UVSSA: variants seen among roughly 807,000 people sequenced by gnomAD.
The protein encoded by UVSSA is UV-stimulated scaffold protein A.
In UVSSA, 72 loss-of-function variants were observed where a neutral mutation model predicts 73.9. The observed-to-expected ratio is 0.97, with a 90% confidence interval of 0.81 to 1.19. The LOEUF is 1.19. Among genes scored for constraint, UVSSA ranks in the 50% most tolerant of loss-of-function variants. The pLI is 0.00. For missense variants in UVSSA, 1,150 were observed against 965.0 expected, an observed-to-expected ratio of 1.19 and a Z score of -2.54; for synonymous variants, 454 against 391.3, an observed-to-expected ratio of 1.16 and a Z score of -1.89.
intron 3 of UVSSA, 105 bp from the exon 4 acceptor site, chr4:1,351,610 C>T (rs75599043): frequency 0.078 from 95,476 of 1,229,778 alleles, 10,528 homozygotes; most frequent in East Asian, 0.39. Flanking sequence ...AGGATGGTCT[C>T]GATCTCCTGA....
upstream of UVSSA, among the ~76,000 whole-genome samples, chr4:1,343,195 C>G (rs966110296): frequency 1.3e-5 from 2 of 152,084 alleles, no homozygotes; most frequent in African/African-American, 4.8e-5. Context: ...GGTTGGCTCC[C>G]GGTGAGGCCT....
rs779133494 is a variant in UVSSA at position 1,353,178 on chromosome 4, C to T, written c.699C>T (p.Gly233=). ...MSDALRSSCA[G]QVGPCRSGTP... is the part of the protein sequence containing the mutation. The stretch of plus-strand genomic sequence containing the variant: ...ATGCCCTTCGCTCCTCCTGCGCGGG[C>T]CAGGTGGGCCCCTGCCGGTCTGGCA... The change falls in exon 5 of 14, where the codon GGC becomes GGT. Residue 233 remains glycine (G), a synonymous_variant. Transcript: ENST00000389851. 3 of 1,612,630 alleles carry T rather than the reference C, an allele frequency of 1.9e-6. No homozygotes were observed. The highest frequency in any genetic ancestry group is 1.1e-5 in the South Asian group (1 of 91,090).
chr4:1,380,392 C>T (rs907393793), intron 11 of UVSSA, among the ~76,000 whole-genome samples, 162 bp downstream of exon 11: 6 of 152,220 alleles, frequency 3.9e-5, no homozygotes, highest in East Asian at 3.8e-4. Context: ...ATTGCTTAGC[C>T]GTTGGCCATC....
chr4:1,355,367 C>G, intron 7 of UVSSA, 122 bp downstream of exon 7: 1 of 983,140 alleles, frequency 1.0e-6, no homozygotes, highest in African/African-American at 1.6e-5. Flanking sequence ...CCCAAGCCCA[C>G]TCAGCCTCAG....
Position 1,380,052 on chromosome 4 carries a change from A to C in UVSSA, c.1574A>C (p.Asp525Ala). 1.9e-6 allele frequency: 3 copies of C among 1,604,674 alleles called. No homozygotes were observed. The highest frequency in any genetic ancestry group is 1.7e-4 in the Middle Eastern group (1 of 6,050). ...LPTAGKIVKS[D>A]SQHRFWKPSE... is the part of the protein sequence containing the mutation. ...GCCTCTGGCTGTGTCTGCAGGTCTG[A>C]CTCCCAGCACCGCTTCTGGAAGCCC... Residue 525 changes from aspartate (D) to alanine (A), a missense_variant, in exon 11 of 14, where the codon GAC (aspartate) becomes GCC (alanine). Transcript: ENST00000389851.
At chr4:1,388,171 G>T (rs76292315), downstream of UVSSA, 109 of 151,914 alleles carry the variant, frequency 7.2e-4, 2 homozygotes, top group East Asian at 0.02. Flanking sequence ...TATTATTTTT[G>T]ATTTATAACC....
intron 3 of UVSSA, among the ~76,000 whole-genome samples, chr4:1,351,404 G>A (rs1380289563): frequency 1.7e-5 from 2 of 117,546 alleles, no homozygotes; most frequent in Admixed American, 9.4e-5. Context: ...TTTTTTCTTT[G>A]AGACAGAGTC....
exon 14 of UVSSA, chr4:1,394,197 C>T (rs1253376722): frequency 5.9e-5 from 30 of 508,378 alleles, no homozygotes; most frequent in Middle Eastern, 1.1e-3. Flanking sequence ...TGGGCACAGC[C>T]TTCCATGCCT....
chr4:1,357,660 A>G (rs1432795753), intron 7 of UVSSA, among the ~76,000 whole-genome samples: 1 of 152,222 alleles, frequency 6.6e-6, no homozygotes, highest in East Asian at 1.9e-4. Context: ...TGGTGGATGC[A>G]GACTCCCCCT....
chr4:1,368,176 C>G (rs1283800242), intron 8 of UVSSA, among the ~76,000 whole-genome samples: 2 of 152,260 alleles, frequency 1.3e-5, no homozygotes, highest in African/African-American at 4.8e-5. Context: ...TCCTGGGCAT[C>G]TTCAGAGTCT....
intron 11 of UVSSA, 166 bp from the exon 12 acceptor site, chr4:1,380,714 A>G (rs773580300): frequency 1.3e-6 from 2 of 1,545,498 alleles, no homozygotes; most frequent in Non-Finnish European, 1.7e-6. Context: ...TGTGGCTCTC[A>G]GGACGCCCTC....
chr4:1,351,074 T>C (rs1235714460), intron 3 of UVSSA, among the ~76,000 whole-genome samples: 1 of 151,968 alleles, frequency 6.6e-6, no homozygotes, highest in Non-Finnish European at 1.5e-5. Flanking sequence ...CCTGGCTATT[T>C]TTTGTTTTTA....
upstream of UVSSA, among the ~76,000 whole-genome samples, chr4:1,342,094 A>G (rs1713453303): frequency 6.6e-6 from 1 of 152,126 alleles, no homozygotes; most frequent in Non-Finnish European, 1.5e-5. Flanking sequence ...TGCAGACATT[A>G]TTTTCATTTC....
Position 1,353,113 on chromosome 4 carries a change from C to T in UVSSA, c.634C>T (p.Pro212Ser), listed in dbSNP as rs755488475. The T allele has an allele frequency of 1.2e-6, 2 of 1,613,092 alleles. No homozygotes were observed. Among genetic ancestry groups the T allele is most frequent in the South Asian group, 1.1e-5 (1 of 91,088 alleles). ...GGTGCCTTTTGACTTTGACCCGAACCCGGAGACGGAATCCCTTGGCATGGC... is the reference window on the plus strand; with the variant it reads ...GGTGCCTTTTGACTTTGACCCGAACTCGGAGACGGAATCCCTTGGCATGGC... Reference protein sequence around the residue: ...LLVPFDFDPNPETESLGMASG... With the variant: ...LLVPFDFDPNSETESLGMASG... The change falls in exon 5 of 14, where the codon CCG (proline) becomes TCG (serine). Residue 212 changes from proline to serine, a missense_variant. Coordinates refer to ENST00000389851, the MANE Select transcript of UVSSA (RefSeq NM_020894.4).
chr4:1,359,083 A>C (rs745693608), intron 7 of UVSSA: 1 of 152,210 alleles, frequency 6.6e-6, no homozygotes, highest in Non-Finnish European at 1.5e-5. Context: ...TTTCTACGTA[A>C]TACTGTTTTC....
chr4:1,346,939 T>C (rs906550383), upstream of UVSSA, among the ~76,000 whole-genome samples: 1 of 152,176 alleles, frequency 6.6e-6, no homozygotes, highest in Admixed American at 6.5e-5. Context: ...CGCGCCTACG[T>C]CACCGCGCAG....
chr4:1,376,821 C>T (rs914393820), intron 10 of UVSSA, among the ~76,000 whole-genome samples: 11 of 152,172 alleles, frequency 7.2e-5, no homozygotes, highest in Non-Finnish European at 1.2e-4. Flanking sequence ...CAGCTCCTGC[C>T]GCAGGACGGT....
At chr4:1,348,714 C>T (rs886083341) in intron 2 of UVSSA, among the ~76,000 whole-genome samples, 7 of 152,134 alleles carry the variant, frequency 4.6e-5, no homozygotes, top group Admixed American at 4.6e-4. Context: ...ATTCTGTATC[C>T]TGTGTTTGTA....
At chr4:1,388,098 A>G (rs969205424), downstream of UVSSA, 2 of 152,298 alleles carry the variant, frequency 1.3e-5, no homozygotes, top group African/African-American at 4.8e-5. Context: ...ATTTATTTCA[A>G]CAGTATTTTG....
Sources: allele counts gnomAD v4.1 joint callset (sites outside exome capture counted in the v4.1 genomes callset), GRCh38; gene constraint gnomAD v4.1.1; transcripts MANE v1.5; gene names NCBI Gene and HGNC (gene_info 2026-07-23, HGNC 2026-07-21).